The following CEP350 variants were observed in gnomAD, a reference collection of about 807,000 sequenced individuals.
The protein encoded by CEP350 is centrosomal protein 350, also known as centrosome-associated protein 350.
A neutral mutation model predicts 331.8 loss-of-function variants in CEP350; 126 were observed. The observed-to-expected ratio is 0.38, with a 90% CI of 0.33 to 0.44. The LOEUF (loss-of-function observed/expected upper bound fraction) is 0.44. CEP350 is among the 20% of genes least tolerant of loss of function. CEP350 has a pLI of 1.00. For missense variants in CEP350, 3,406 were observed against 3,634.6 expected (o/e 0.94, Z 1.62); for synonymous variants, 1,200 against 1,259.5 (o/e 0.95, Z 1.00).
intron 32 of CEP350, among the ~76,000 whole-genome samples, chr1:180,089,151 C>A (rs962427109): frequency 6.6e-6 from 1 of 152,132 alleles, no homozygotes; most frequent in Admixed American, 6.5e-5. Flanking sequence ...TTACAGAGAT[C>A]TTTCTGACCA....
intron 19 of CEP350, among the ~76,000 whole-genome samples, 187 bp downstream of exon 19, chr1:180,041,989 T>A (rs1656788512): frequency 6.6e-6 from 1 of 152,182 alleles, no homozygotes; most frequent in Non-Finnish European, 1.5e-5. Flanking sequence ...TGTGATTGAA[T>A]GTTATAGAGG....
intron 37 of CEP350, among the ~76,000 whole-genome samples, chr1:180,101,578 C>G (rs138473768): frequency 6.6e-6 from 1 of 152,280 alleles, no homozygotes; most frequent in African/African-American, 2.4e-5. Context: ...GCAGTGGACA[C>G]CAGCTGGGTA....
At chr1:180,047,542 A>T (rs551635935) in intron 21 of CEP350, among the ~76,000 whole-genome samples, 92 of 152,056 alleles carry the variant, frequency 6.1e-4, no homozygotes, top group Non-Finnish European at 1.1e-3. Context: ...GGATCATCTG[A>T]GGTTAGGAGT....
In CEP350 at chr1:180,113,474, G is replaced by A. The variant is rs996854201; in HGVS notation, c.*2313G>A. 2.6e-5 allele frequency: 4 copies of A among 151,986 alleles called. No homozygotes were observed. The highest frequency in any genetic ancestry group is 9.7e-5 in the African/African-American group (4 of 41,374). The allele number at this position is 151,986 out of a possible 1,614,324, so 9.4% of individuals were successfully genotyped here. ...GTAGCTGTCCTGACAGACTCCAACT[G>A]TCTTTACTATCTGAAGAATCCTAGG... On this transcript the variant is annotated 3_prime_UTR_variant, in exon 38 of 38. Coordinates refer to ENST00000367607, the MANE Select transcript of CEP350 (RefSeq NM_014810.5).
chr1:180,100,702 T>C (rs1372371621), intron 37 of CEP350, among the ~76,000 whole-genome samples: 1 of 152,168 alleles, frequency 6.6e-6, no homozygotes, highest in African/African-American at 2.4e-5. Flanking sequence ...GAAGCTGATA[T>C]AATGAGGATG....
rs779899074 is a variant in CEP350 at position 180,041,741 on chromosome 1, T to C, written c.4301T>C (p.Ile1434Thr). ...TEVLQEATCK[I>T]AAQQSETARL... ...GTCCTGCAGGAAGCAACGTGTAAAA[T>C]AGCAGCTCAGCAGTCAGAAACTGCT... Residue 1434 changes from isoleucine (I) to threonine (T), a missense_variant, in exon 19 of 38, where the codon ATA (isoleucine) becomes ACA (threonine). Coordinates refer to ENST00000367607, the MANE Select transcript of CEP350 (RefSeq NM_014810.5). The C allele has an allele frequency of 1.4e-5, 22 of 1,613,184 alleles. No homozygotes were observed. The highest frequency in any genetic ancestry group is 1.9e-5 in the Non-Finnish European group (22 of 1,179,630).
At chr1:180,071,940 A>G (rs983856296) in intron 27 of CEP350, among the ~76,000 whole-genome samples, 1 of 152,202 alleles carries the variant, frequency 6.6e-6, no homozygotes, top group African/African-American at 2.4e-5. Context: ...CTTGACATCA[A>G]TCAAAAGCAT....
chr1:180,038,287 T>C (rs1656507076), intron 17 of CEP350, among the ~76,000 whole-genome samples: 1 of 152,240 alleles, frequency 6.6e-6, no homozygotes, highest in Non-Finnish European at 1.5e-5. Flanking sequence ...GTTTATCAGT[T>C]TTCCTATTGA....
chr1:179,991,707 G>GTGTATA (rs1385981536), intron 4 of CEP350, among the ~76,000 whole-genome samples: 242 of 96,958 alleles, frequency 2.5e-3, no homozygotes, highest in Non-Finnish European at 3.3e-3. Flanking sequence ...GTGTGTGTGT[G>GTGTATA]TATATATATA....
At chr1:179,990,079 C>G (rs1652936795) in intron 3 of CEP350, among the ~76,000 whole-genome samples, 1 of 151,666 alleles carries the variant, frequency 6.6e-6, no homozygotes, top group African/African-American at 2.4e-5. Flanking sequence ...ATCCCAGCCT[C>G]TAGGGAGGCT....
intron 1 of CEP350, among the ~76,000 whole-genome samples, chr1:179,965,522 T>C (rs1459998025): frequency 1.3e-5 from 2 of 152,036 alleles, no homozygotes; most frequent in East Asian, 1.9e-4. Context: ...TTTATAGATG[T>C]AAATTTCTTT....
intron 11 of CEP350, 41 bp downstream of exon 11, chr1:180,016,011 T>C (rs770912355): frequency 6.2e-7 from 1 of 1,609,518 alleles, no homozygotes; most frequent in Admixed American, 1.7e-5. Context: ...ATTCTTTTCA[T>C]GAAATTTAGC....
intron 28 of CEP350, 109 bp downstream of exon 28, chr1:180,075,330 T>C: frequency 1.8e-6 from 2 of 1,140,468 alleles, no homozygotes; most frequent in South Asian, 3.4e-5. Context: ...CTCACGCCTG[T>C]AATCCTAACA....
chr1:180,005,579 T>C (rs952616509), intron 7 of CEP350, among the ~76,000 whole-genome samples: 4 of 152,192 alleles, frequency 2.6e-5, no homozygotes, highest in African/African-American at 9.6e-5. Flanking sequence ...AATGAGTCTA[T>C]TGTCATAACT....
chr1:180,041,163 A>T lies in CEP350; in HGVS notation c.4136A>T (p.Asp1379Val). The T allele has an allele frequency of 6.9e-6, 11 of 1,596,392 alleles. No homozygotes were observed. The highest frequency in any genetic ancestry group is 9.4e-6 in the Non-Finnish European group (11 of 1,171,354). The part of the protein sequence containing the change: ...IKAQQQRHER[D>V]LALLKLKAEQ... The stretch of plus-strand genomic sequence containing the variant: ...GCACAACAGCAACGCCATGAAAGAG[A>T]CTTGGCCCTCTTGAAACTAAAGGCT... Residue 1379 changes from aspartate (D) to valine (V), a missense_variant, in exon 18 of 38, where the codon GAC becomes GTC. Around this residue, in one of 5 missense-constraint regions of CEP350, gnomAD observed 1,857 missense variants for 1,909.2 expected, o/e 0.97. Coordinates refer to ENST00000367607, the MANE Select transcript of CEP350 (RefSeq NM_014810.5).
At chr1:179,991,542 C>T (rs962239326) in intron 4 of CEP350, among the ~76,000 whole-genome samples, 1 of 151,424 alleles carries the variant, frequency 6.6e-6, no homozygotes, top group Non-Finnish European at 1.5e-5. Flanking sequence ...CCTGCCTTGG[C>T]CTCCCAAAGT....
In CEP350 at chr1:179,991,667, A is replaced by ATGTGTGTGTGTG. The variant is rs751570955; in HGVS notation, c.236-365_236-354dup. ...TAAACTGTGATATGTATATATATAT[A>ATGTGTGTGTGTG]TGTGTGTGTGTGTGTGTGTGTGTGT... On this transcript the variant is annotated intron_variant, in intron 4 of 37. Transcript: ENST00000367607. Among the ~76,000 whole-genome samples the ATGTGTGTGTGTG allele has an allele frequency of 8.1e-3, 729 of 90,180 alleles. 12 individuals carry two copies. The highest frequency in any genetic ancestry group is 0.018 in the East Asian group (51 of 2,850). 59.2% of individuals were successfully genotyped at this position (90,180 alleles called of 152,430 possible). A position where few individuals can be genotyped will look rare whatever the true frequency, so the allele number is the denominator to read the frequency against.
intron 37 of CEP350, among the ~76,000 whole-genome samples, chr1:180,103,569 T>TTG (rs142177168): frequency 0.011 from 1,683 of 151,826 alleles, 19 homozygotes; most frequent in Non-Finnish European, 0.015. Context: ...CCATTTAAGA[T>TTG]TGTGTGTGTG....
chr1:179,981,347 G>T (rs1470546823), intron 1 of CEP350, among the ~76,000 whole-genome samples: 1 of 152,120 alleles, frequency 6.6e-6, no homozygotes, highest in Non-Finnish European at 1.5e-5. Flanking sequence ...TAACTGGGAA[G>T]GTGCTTTCAT....
Sources: gnomAD v4.1 joint callset for allele counts (sites outside exome capture counted in the v4.1 genomes callset) on GRCh38, gnomAD v4.1.1 for gene constraint, gnomAD v4.1.1 regional missense constraint, MANE v1.5 for transcripts, NCBI Gene and HGNC (gene_info 2026-07-23, HGNC 2026-07-21) for gene names.